The following CIC variants were observed in gnomAD, a reference collection of about 807,000 sequenced individuals.
CIC encodes the protein protein capicua homolog.
A neutral mutation model predicts 115.7 loss-of-function variants in CIC; 18 were observed. The ratio of observed to expected loss-of-function variants is 0.16; its 90% CI spans 0.11 to 0.23. The LOEUF (loss-of-function observed/expected upper bound fraction) is 0.23. Ranked by LOEUF, CIC falls within the 10% of genes least tolerant of loss-of-function variation. The probability of loss-of-function intolerance (pLI) is 1.00; values close to 1 mark genes in which losing one functional copy is unlikely to be tolerated. For synonymous variants in CIC, 1,076 were observed against 923.0 expected, an observed-to-expected ratio of 1.17 and a Z score of -3.01; for missense variants, 2,000 against 2,159.3, an observed-to-expected ratio of 0.93 and a Z score of 1.46.
rs1296346206 is a variant in CIC at position 42,290,981 on chromosome 19, C to T, written c.4940C>T (p.Thr1647Ile). The part of the protein sequence containing the change: ...VYSDKKSAAA[T>I]SPAPHLVAGP... ...TCGGACAAGAAGTCGGCAGCAGCCA[C>T]CTCACCAGCCCCACACTTGGTGGCT... Residue 1647 changes from threonine (T) to isoleucine (I), a missense_variant, in exon 11 of 21, where the codon ACC becomes ATC. Around this residue, in one of 8 missense-constraint regions of CIC, gnomAD observed 1,466 missense variants for 1,390.4 expected, o/e 1.05. Coordinates refer to ENST00000681038, the MANE Select transcript of CIC (RefSeq NM_001386298.1). The T allele has an allele frequency of 6.2e-7, 1 of 1,613,808 alleles. No homozygotes were observed. The highest frequency in any genetic ancestry group is 8.5e-7 in the Non-Finnish European group (1 of 1,180,008).
In CIC at chr19:42,293,007, C is replaced by T. The variant is rs189391255; in HGVS notation, c.6248C>T (p.Pro2083Leu). The T allele has an allele frequency of 1.9e-4, 300 of 1,613,522 alleles. 3 individuals carry two copies. The Middle Eastern group carries it at 7.1e-3, about 38-fold the overall frequency. ...GCCCCCAAGGCCCAGCGGCCCAGCC[C>T]GAAGGCCCCCCAGAAAGTGAAGGCA... ...LVAPKAQRPS[P>L]KAPQKVKAAI... is the part of the protein sequence containing the mutation. Residue 2083 changes from proline to leucine, a missense_variant, in exon 16 of 21, where the codon CCG becomes CTG. Coordinates refer to ENST00000681038, the MANE Select transcript of CIC (RefSeq NM_001386298.1).
intron 16 of CIC, 55 bp downstream of exon 16, chr19:42,293,336 T>C: frequency 6.6e-7 from 1 of 1,508,098 alleles, no homozygotes; most frequent in East Asian, 2.4e-5. Context: ...GCCTCTCCAT[T>C]GACGTCTTTG....
chr19:42,294,495 G>A (rs2038374402), intron 19 of CIC, 109 bp from the exon 20 acceptor site: 1 of 1,578,412 alleles, frequency 6.3e-7, no homozygotes, highest in South Asian at 1.1e-5. Flanking sequence ...ACCCCTCTCT[G>A]ACTCCCCTGT....
In CIC at chr19:42,295,143, G is replaced by GGGGGGCCCCCCCCCCCC; in HGVS notation, c.7506_7507insGGGGGCCCCCCCCCCCC (p.Pro2503GlyfsTer32). 17 of 1,382,644 alleles carry GGGGGGCCCCCCCCCCCC rather than the reference G, an allele frequency of 1.2e-5. No individual in the cohort carries two copies. The highest frequency in any genetic ancestry group is 1.4e-5 in the Non-Finnish European group (15 of 1,037,742). 85.6% of individuals were successfully genotyped at this position (1,382,644 alleles called of 1,614,324 possible). ...AGCCTGGCTGGGAGGGGGCTCCCCA[G>GGGGGGCCCCCCCCCCCC]CCCTCCCCCCCACCCCCAGGTCCCT... On this transcript the variant is annotated frameshift_variant, in exon 21 of 21. Coordinates refer to ENST00000681038, the MANE Select transcript of CIC (RefSeq NM_001386298.1). LOFTEE classifies it high-confidence loss of function.
At position 42,287,312 on chromosome 19, in the gene CIC, C is replaced by G. The variant is rs775953544; in HGVS notation, c.3180-8C>G. On this transcript the variant is annotated splice_polypyrimidine_tract_variant and splice_region_variant and intron_variant, in intron 4 of 20. Transcript: ENST00000681038. This position sits in a 1 kb window ranked among gnomAD's most constrained non-coding sequence, Gnocchi z 8.7. ...ATGGCCCTCACTGTCCCTGCTGCCC[C>G]GCCGCAGCTTCCTCTCCATCATGTC... is the stretch of plus-strand genomic sequence containing the variant. 1.9e-6 allele frequency: 3 copies of G among 1,613,984 alleles called. No individual in the cohort carries two copies. Among genetic ancestry groups the G allele is most frequent in the Non-Finnish European group, 2.5e-6 (3 of 1,179,914 alleles).
At chr19:42,288,059 C>T in intron 7 of CIC, 84 bp downstream of exon 7, 1 of 1,448,620 alleles carries the variant, frequency 6.9e-7, no homozygotes, top group Non-Finnish European at 9.4e-7. Flanking sequence ...CCTCCCCTGC[C>T]CCAGCAGCTC....
rs918913333 is a variant in CIC at position 42,293,396 on chromosome 19, G to A, written c.6522+115G>A. 3.7e-6 allele frequency: 5 copies of A among 1,365,970 alleles called. No homozygotes were observed. In the African/African-American group the frequency reaches 7.2e-5, roughly 20 times the overall value. 84.6% of individuals were successfully genotyped at this position (1,365,970 alleles called of 1,614,324 possible). ...ATGCCTGTGTGTCTCTCAGGTTAAA[G>A]GGTCCCCTCTGTCCCTTCTGCCTGC... is the stretch of plus-strand genomic sequence containing the variant. On this transcript the variant is annotated intron_variant, in intron 16 of 20. Coordinates refer to ENST00000681038, the MANE Select transcript of CIC (RefSeq NM_001386298.1).
At chr19:42,288,193 A>C (rs776772045) in intron 7 of CIC, among the ~76,000 whole-genome samples, 1 of 152,254 alleles carries the variant, frequency 6.6e-6, no homozygotes, top group Admixed American at 6.5e-5. Context: ...TCTCGTTATC[A>C]ACTGTTGTTT....
At position 42,280,499 on chromosome 19, in the gene CIC, CGCCCGCT is replaced by C. The variant is rs1311582768; in HGVS notation, c.2794+5924_2794+5930del. ...CCGTCCTTCTCATTGGCTGCCGTCT[CGCCCGCT>C]GACCGCTGATTGGCCGAGACCTGCT... On this transcript the variant is annotated intron_variant, in intron 2 of 20. Coordinates refer to ENST00000681038, the MANE Select transcript of CIC (RefSeq NM_001386298.1). This position sits in a 1 kb window ranked among gnomAD's most constrained non-coding sequence, Gnocchi z 4.9. Among the ~76,000 whole-genome samples the C allele has an allele frequency of 6.6e-6, 1 of 152,174 alleles. No homozygotes were observed. The highest frequency in any genetic ancestry group is 1.5e-5 in the Non-Finnish European group (1 of 68,000).
rs957390179 is a variant in CIC, at chr19:42,272,817, C to A, written c.1034C>A (p.Pro345His). The A allele has an allele frequency of 1.5e-5, 6 of 399,036 alleles. No homozygotes were observed. The highest frequency in any genetic ancestry group is 2.6e-5 in the Non-Finnish European group (6 of 226,510). 24.7% of individuals were successfully genotyped at this position (399,036 alleles called of 1,614,324 possible). Residue 345 changes from proline (P) to histidine (H), a missense_variant, in exon 2 of 21, where the codon CCT becomes CAT. Pro to His is a moderately conservative substitution (Grantham distance 77, BLOSUM62 -2). Coordinates refer to ENST00000681038, the MANE Select transcript of CIC (RefSeq NM_001386298.1). ...SLRLLRPPWE[P>H]ETMLRKPPTG... is the part of the protein sequence containing the mutation. The stretch of plus-strand genomic sequence containing the variant: ...CGCCTGCTGCGCCCCCCCTGGGAAC[C>A]TGAGACCATGCTGAGGAAGCCCCCT...
rs1175479188 is a variant in CIC, at chr19:42,293,857, T to TG, written c.6767+23dup. ...GACAAGTGAGCATGGGCTGGGGCCTTGGTGGAGCGTGTTAGGGTGGCGGGA... is the reference window on the plus strand; with the variant it reads ...GACAAGTGAGCATGGGCTGGGGCCTTGGGTGGAGCGTGTTAGGGTGGCGGGA... On this transcript the variant is annotated intron_variant, in intron 17 of 20. Coordinates refer to ENST00000681038, the MANE Select transcript of CIC (RefSeq NM_001386298.1). 5 of 1,612,958 alleles carry TG rather than the reference T, an allele frequency of 3.1e-6. No homozygotes were observed. The African/African-American group carries it at 4.0e-5, about 13-fold the overall frequency.
At position 42,293,463 on chromosome 19, in the gene CIC, T is replaced by C. The variant is rs2038298663; in HGVS notation, c.6523-129T>C. 7.3e-6 allele frequency: 11 copies of C among 1,512,200 alleles called. No homozygotes were observed. The Middle Eastern group carries it at 6.8e-4, about 94-fold the overall frequency. 93.7% of individuals were successfully genotyped at this position (1,512,200 alleles called of 1,614,324 possible). ...CCCATCTGAGGCCCCTGTCTTGGCC[T>C]TCCTGAGGCCGTGTGACAGCCTTCT... On this transcript the variant is annotated intron_variant, in intron 16 of 20. Coordinates refer to ENST00000681038, the MANE Select transcript of CIC (RefSeq NM_001386298.1).
Position 42,292,076 on chromosome 19 carries a change from T to C in CIC, c.5614-10T>C. On this transcript the variant is annotated splice_polypyrimidine_tract_variant and intron_variant, in intron 12 of 20. Coordinates refer to ENST00000681038, the MANE Select transcript of CIC (RefSeq NM_001386298.1). ...AGCTCACCCTGGCCTATGGGTGCCC[T>C]TCTCCACAGATCATCCAGCTGACCC... 1 of 1,613,548 alleles carries C rather than the reference T, an allele frequency of 6.2e-7. No individual in the cohort carries two copies. Among genetic ancestry groups the C allele is most frequent in the South Asian group, 1.1e-5 (1 of 91,074 alleles).
Position 42,291,706 on chromosome 19 carries a change from C to T in CIC, c.5574C>T (p.Phe1858=), listed in dbSNP as rs746318238. Residue 1858 remains phenylalanine (F), a synonymous_variant, in exon 12 of 21, where the codon TTC becomes TTT. Coordinates refer to ENST00000681038, the MANE Select transcript of CIC (RefSeq NM_001386298.1). ...GQPLPLVSPP[F]SVPVQNGAQP... ...CACTGCCACTGGTGAGCCCGCCCTTCTCAGTACCTGTGCAGAATGGTGCCC... is the reference window on the plus strand; with the variant it reads ...CACTGCCACTGGTGAGCCCGCCCTTTTCAGTACCTGTGCAGAATGGTGCCC... The T allele has an allele frequency of 6.2e-7, 1 of 1,612,914 alleles. No homozygotes were observed. The highest frequency in any genetic ancestry group is 8.5e-7 in the Non-Finnish European group (1 of 1,180,024).
intron 2 of CIC, among the ~76,000 whole-genome samples, chr19:42,281,955 T>C (rs1263596874): frequency 6.6e-6 from 1 of 152,206 alleles, no homozygotes; most frequent in Non-Finnish European, 1.5e-5. Context: ...TTGGACTGCA[T>C]TGCAGTAGAG....
Position 42,294,307 on chromosome 19 carries a change from G to A in CIC, c.7054+3G>A, listed in dbSNP as rs1367117059. ...CATCTTCACCTTTGACCGTACAGGT[G>A]CCGTGGTGGGCAGAACTTTGGGGGC... On this transcript the variant is annotated splice_donor_region_variant and intron_variant, in intron 19 of 20. Coordinates refer to ENST00000681038, the MANE Select transcript of CIC (RefSeq NM_001386298.1). 1.2e-6 allele frequency: 2 copies of A among 1,612,642 alleles called. No individual in the cohort carries two copies. Among genetic ancestry groups the A allele is most frequent in the Non-Finnish European group, 1.7e-6 (2 of 1,180,016 alleles).
Position 42,286,996 on chromosome 19 carries a change from G to A in CIC, c.2945-10G>A, listed in dbSNP as rs2147174729. The A allele has an allele frequency of 2.5e-6, 4 of 1,608,880 alleles. No homozygotes were observed. The highest frequency in any genetic ancestry group is 3.4e-6 in the Non-Finnish European group (4 of 1,179,972). On this transcript the variant is annotated splice_polypyrimidine_tract_variant and intron_variant, in intron 3 of 20. Transcript: ENST00000681038. ...CCTAGGAGCCCTCTGATCTACCTCT[G>A]TGTCCCCAGAACCTGCTGAGTCGGC... is the stretch of plus-strand genomic sequence containing the variant.
intron 2 of CIC, among the ~76,000 whole-genome samples, chr19:42,276,766 C>T (rs755743928): frequency 1.3e-5 from 2 of 152,152 alleles, no homozygotes; most frequent in Admixed American, 6.5e-5. Flanking sequence ...TTCACCCCCC[C>T]ATATGCCCAC....
rs1442944818 is a variant in CIC at position 42,292,606 on chromosome 19, G to A, written c.5943G>A (p.Val1981=). 3 of 1,613,414 alleles carry A rather than the reference G, an allele frequency of 1.9e-6. No homozygotes were observed. Among genetic ancestry groups the A allele is most frequent in the East Asian group, 2.2e-5 (1 of 44,878 alleles). ...APLLAPGQVG[V]SPVPSPQLPP... The stretch of plus-strand genomic sequence containing the variant: ...TGCTGGCTCCCGGTCAGGTGGGCGT[G>A]TCACCTGTGCCCAGTCCCCAGCTGC... Residue 1981 remains valine (V), a synonymous_variant, in exon 15 of 21, where the codon GTG becomes GTA. Coordinates refer to ENST00000681038, the MANE Select transcript of CIC (RefSeq NM_001386298.1).
Sources: gnomAD v4.1 joint callset for allele counts (sites outside exome capture counted in the v4.1 genomes callset) on GRCh38, gnomAD v4.1.1 for gene constraint, gnomAD v4.1.1 regional missense constraint, Gnocchi (gnomAD v3.1) non-coding constraint, MANE v1.5 for transcripts, NCBI Gene and HGNC (gene_info 2026-07-23, HGNC 2026-07-21) for gene names.